The following GULP1 variants were observed in gnomAD, a reference collection of about 807,000 sequenced individuals.
GULP1 encodes the protein PTB domain-containing engulfment adapter protein 1.
Under a neutral mutation model 40.9 loss-of-function variants are expected in GULP1, and 19 were observed. The observed-to-expected ratio is 0.46, with a 90% CI of 0.32 to 0.68. The LOEUF (loss-of-function observed/expected upper bound fraction) is 0.68. Among genes scored for constraint, GULP1 ranks in the 30% least tolerant of loss-of-function variants. The pLI is 0.03. For synonymous variants in GULP1, 119 were observed against 117.6 expected (o/e 1.01, Z -0.08); for missense variants, 312 against 362.2 (o/e 0.86, Z 1.12).
intron 2 of GULP1, among the ~76,000 whole-genome samples, chr2:188,409,982 C>T (rs901964181): frequency 3.9e-5 from 6 of 152,148 alleles, no homozygotes; most frequent in African/African-American, 1.4e-4. Context: ...ATGGTTCTGG[C>T]ATAAAAGAAC....
At chr2:188,338,969 T>G (rs2042635942) in intron 1 of GULP1, among the ~76,000 whole-genome samples, 1 of 152,208 alleles carries the variant, frequency 6.6e-6, no homozygotes, top group Non-Finnish European at 1.5e-5. Flanking sequence ...TTTTTCTTTT[T>G]TATTGACATG....
intron 1 of GULP1, among the ~76,000 whole-genome samples, chr2:188,378,649 AAGAG>A (rs2048612582): frequency 6.6e-6 from 1 of 152,170 alleles, no homozygotes; most frequent in African/African-American, 2.4e-5. Context: ...GAAGAGGCAA[AAGAG>A]AGAGGGGAGG....
At chr2:188,343,209 C>T (rs778443465) in intron 1 of GULP1, among the ~76,000 whole-genome samples, 5 of 151,812 alleles carry the variant, frequency 3.3e-5, no homozygotes, top group Admixed American at 2.0e-4. Context: ...GAAGGGTGAC[C>T]ACAGCCTGTT....
chr2:188,302,325 TAAATTTAAA>T (rs2036273121), intron 1 of GULP1, among the ~76,000 whole-genome samples: 2 of 152,146 alleles, frequency 1.3e-5, no homozygotes, highest in Non-Finnish European at 2.9e-5. Context: ...AATAGAGAAC[TAAATTTAAA>T]ATTTTTTGAA....
intron 2 of GULP1, among the ~76,000 whole-genome samples, chr2:188,422,642 A>C (rs1316762478): frequency 6.6e-6 from 1 of 152,074 alleles, no homozygotes; most frequent in Non-Finnish European, 1.5e-5. Flanking sequence ...CAAACATTCA[A>C]ATTTAATTGA....
chr2:188,482,748 T>G (rs931488726), intron 3 of GULP1, among the ~76,000 whole-genome samples: 3 of 151,320 alleles, frequency 2.0e-5, no homozygotes, highest in Non-Finnish European at 3.0e-5. Flanking sequence ...TTTTAATATA[T>G]TCTATCCTTT....
chr2:188,418,473 A>C (rs907786541), intron 2 of GULP1, among the ~76,000 whole-genome samples: 2 of 152,100 alleles, frequency 1.3e-5, no homozygotes, highest in African/African-American at 4.8e-5. Context: ...CTCTACTAAA[A>C]ATACAAAAAA....
At chr2:188,485,450 T>C (rs2061783283) in intron 4 of GULP1, among the ~76,000 whole-genome samples, 1 of 152,100 alleles carries the variant, frequency 6.6e-6, no homozygotes, top group Non-Finnish European at 1.5e-5. Context: ...ATTAAATTCA[T>C]TTGAAGAATG....
intron 8 of GULP1, 198 bp downstream of exon 8, chr2:188,569,553 T>G: frequency 2.0e-6 from 1 of 512,020 alleles, no homozygotes; most frequent in Non-Finnish European, 3.5e-6. Flanking sequence ...TTATATTGAA[T>G]TCCCACAAGA....
intron 7 of GULP1, among the ~76,000 whole-genome samples, chr2:188,562,168 A>T (rs1696473868): frequency 6.6e-6 from 1 of 152,142 alleles, no homozygotes; most frequent in African/African-American, 2.4e-5. Flanking sequence ...GGTCTCAGAA[A>T]TGATGTGGGA....
intron 7 of GULP1, among the ~76,000 whole-genome samples, chr2:188,567,175 T>C (rs924093234): frequency 6.6e-6 from 1 of 152,154 alleles, no homozygotes; most frequent in Non-Finnish European, 1.5e-5. Flanking sequence ...GTTTTTACAC[T>C]GTTGGTGGGG....
rs1412046763 is a variant in GULP1 at position 188,562,934 on chromosome 2, A to T, written c.400-6305A>T. On this transcript the variant is annotated intron_variant, in intron 7 of 11. Transcript: ENST00000409830. ...TTAGAATTAAAACACCCTTTATATAACTATAGCTAAAAGAAAAGTTACAGG... is the reference window on the plus strand; with the variant it reads ...TTAGAATTAAAACACCCTTTATATATCTATAGCTAAAAGAAAAGTTACAGG... 3.3e-5 allele frequency among the ~76,000 whole-genome samples: 5 copies of T among 152,174 alleles called. No homozygotes were observed. The East Asian group carries it at 7.7e-4, about 23-fold the overall frequency.
At chr2:188,533,329 C>T (rs1380159177) in intron 6 of GULP1, among the ~76,000 whole-genome samples, 1 of 152,074 alleles carries the variant, frequency 6.6e-6, no homozygotes, top group Non-Finnish European at 1.5e-5. Context: ...ATTAAAGCTG[C>T]ACACCTACAG....
intron 8 of GULP1, 174 bp downstream of exon 8, chr2:188,569,529 T>C (rs1446962875): frequency 3.5e-6 from 2 of 577,044 alleles, no homozygotes; most frequent in African/African-American, 3.8e-5. Context: ...CACAGTTTTT[T>C]TTTTTTAACT....
intron 1 of GULP1, among the ~76,000 whole-genome samples, chr2:188,376,982 C>T (rs544280365): frequency 6.6e-6 from 1 of 152,082 alleles, no homozygotes; most frequent in African/African-American, 2.4e-5. Flanking sequence ...GACCAGCCTG[C>T]CCAACATAGT....
At chr2:188,307,439 ATT>A (rs11290740) in intron 1 of GULP1, among the ~76,000 whole-genome samples, 2 of 149,672 alleles carry the variant, frequency 1.3e-5, no homozygotes, top group African/African-American at 2.4e-5. Context: ...CTTTTTCGAG[ATT>A]TTTTTTTTTA....
At chr2:188,360,557 A>T (rs1347242269) in intron 1 of GULP1, among the ~76,000 whole-genome samples, 3 of 151,930 alleles carry the variant, frequency 2.0e-5, no homozygotes, top group African/African-American at 4.8e-5. Context: ...CTGATTTCTT[A>T]AGAGGAAGAT....
chr2:188,535,185 A>G (rs1488280793), intron 6 of GULP1, among the ~76,000 whole-genome samples: 1 of 151,808 alleles, frequency 6.6e-6, no homozygotes, highest in East Asian at 1.9e-4. Context: ...TTCTGTTTTT[A>G]ATAATTTCAA....
chr2:188,537,813 C>T lies in GULP1; in HGVS notation c.262-3368C>T, dbSNP rs141539570. 4.6e-3 allele frequency among the ~76,000 whole-genome samples: 696 copies of T among 152,088 alleles called. 8 individuals carry two copies. The highest frequency in any genetic ancestry group is 0.016 in the African/African-American group (667 of 41,512). ...GAACTTGGCTGTGAATCCATCTGCT[C>T]TGGGGCTTTGTTTGGTTGGTAGATT... On this transcript the variant is annotated intron_variant, in intron 6 of 11. Transcript: ENST00000409830.
Sources: allele counts gnomAD v4.1 joint callset (sites outside exome capture counted in the v4.1 genomes callset), GRCh38; gene constraint gnomAD v4.1.1; transcripts MANE v1.5; gene names NCBI Gene and HGNC (gene_info 2026-07-23, HGNC 2026-07-21).